CREB5: variants seen among roughly 807,000 people sequenced by gnomAD.
CREB5 encodes the protein cAMP responsive element binding protein 5.
A neutral mutation model predicts 57.1 loss-of-function variants in CREB5; 19 were observed. The ratio of observed to expected loss-of-function variants is 0.33; its 90% confidence interval spans 0.23 to 0.49. The LOEUF is 0.49. Ranked by LOEUF, CREB5 falls within the 20% of genes least tolerant of loss-of-function variation. CREB5 has a pLI of 0.99. For synonymous variants in CREB5, 238 were observed against 238.3 expected (o/e 1.00, Z 0.01); for missense variants, 579 against 671.6 (o/e 0.86, Z 1.52).
rs151246618 is a variant in CREB5 at position 28,721,074 on chromosome 7, A to T, written c.591+2195A>T. On this transcript the variant is annotated intron_variant, in intron 6 of 10. Coordinates refer to ENST00000357727, the MANE Select transcript of CREB5 (RefSeq NM_182898.4). ...AAGAGCTCCCAAACCTGTGACATTG[A>T]TGTACACAGCTGCCATGGCAATAGG... 1.1e-3 allele frequency among the ~76,000 whole-genome samples: 172 copies of T among 152,272 alleles called. 1 individual carries two copies. Among genetic ancestry groups the T allele is most frequent in the African/African-American group, 4.1e-3 (169 of 41,550 alleles).
chr7:28,805,408 A>G (rs1808657226), intron 8 of CREB5, among the ~76,000 whole-genome samples: 1 of 152,232 alleles, frequency 6.6e-6, no homozygotes, highest in African/African-American at 2.4e-5. Flanking sequence ...ACTTTCATCC[A>G]TACCTTCCAC....
At chr7:28,309,481 A>T (rs575648853) in intron 1 of CREB5, among the ~76,000 whole-genome samples, 1 of 152,146 alleles carries the variant, frequency 6.6e-6, no homozygotes, top group Non-Finnish European at 1.5e-5. Flanking sequence ...TTTCCTTTCC[A>T]GGGATAGAGG....
intron 1 of CREB5, among the ~76,000 whole-genome samples, chr7:28,441,819 A>C (rs1789195988): frequency 6.6e-6 from 1 of 152,124 alleles, no homozygotes. Flanking sequence ...GTTTTTAAAA[A>C]CTTTTTTAAA....
intron 7 of CREB5, among the ~76,000 whole-genome samples, chr7:28,753,879 G>T (rs2128765204): frequency 6.6e-6 from 1 of 151,730 alleles, no homozygotes; most frequent in South Asian, 2.1e-4. Flanking sequence ...ATGCAAGAAA[G>T]AATGAGAGAA....
intron 7 of CREB5, among the ~76,000 whole-genome samples, chr7:28,793,644 G>A (rs566384968): frequency 2.0e-5 from 3 of 152,332 alleles, no homozygotes; most frequent in African/African-American, 4.8e-5. Flanking sequence ...CAAGCGAGCC[G>A]AGCACAGCCG....
chr7:28,673,657 CTTTTTTTTTTTTTTTT>C lies in CREB5; in HGVS notation c.465-45082_465-45067del, dbSNP rs549391329. ...GTTGACATGAAGTTTCTCTCTCTCT[CTTTTTTTTTTTTTTTT>C]TTTTTTTTTTTTTGGAGACATTCGA... On this transcript the variant is annotated intron_variant, in intron 5 of 10. Coordinates refer to ENST00000357727, the MANE Select transcript of CREB5 (RefSeq NM_182898.4). Among the ~76,000 whole-genome samples, 11 of 55,764 alleles carry C rather than the reference CTTTTTTTTTTTTTTTT, an allele frequency of 2.0e-4. No homozygotes were observed. The South Asian group carries it at 3.2e-3, about 16-fold the overall frequency. The allele number at this position is 55,764 out of a possible 152,430, so 36.6% of individuals were successfully genotyped here. A position where few individuals can be genotyped will look rare whatever the true frequency, so the allele number is the denominator to read the frequency against.
At chr7:28,460,919 GC>G (rs1790325351) in intron 1 of CREB5, among the ~76,000 whole-genome samples, 1 of 151,988 alleles carries the variant, frequency 6.6e-6, no homozygotes, top group South Asian at 2.1e-4. Flanking sequence ...TTATGGGGGG[GC>G]ATAGTGGCTT....
intron 5 of CREB5, among the ~76,000 whole-genome samples, chr7:28,573,880 A>C (rs1387056094): frequency 6.6e-6 from 1 of 152,246 alleles, no homozygotes; most frequent in African/African-American, 2.4e-5. Context: ...GAAGTAGACA[A>C]ACAACACGTG....
At chr7:28,781,434 G>A (rs761442135) in intron 7 of CREB5, among the ~76,000 whole-genome samples, 4 of 152,172 alleles carry the variant, frequency 2.6e-5, no homozygotes, top group Admixed American at 1.3e-4. Flanking sequence ...CAATGTTTCC[G>A]TTTTCAAAGG....
At chr7:28,522,536 T>C (rs1346395194) in intron 4 of CREB5, among the ~76,000 whole-genome samples, 1 of 151,762 alleles carries the variant, frequency 6.6e-6, no homozygotes, top group African/African-American at 2.4e-5. Flanking sequence ...GCTGGGATTA[T>C]AGGCATGTGC....
At chr7:28,605,382 C>T (rs1324979555) in intron 5 of CREB5, among the ~76,000 whole-genome samples, 2 of 152,218 alleles carry the variant, frequency 1.3e-5, no homozygotes, top group African/African-American at 4.8e-5. Context: ...CCCACCTTCT[C>T]CTCTGATTCC....
At chr7:28,546,123 A>G (rs185534127) in intron 4 of CREB5, among the ~76,000 whole-genome samples, 10 of 152,294 alleles carry the variant, frequency 6.6e-5, no homozygotes, top group Admixed American at 5.9e-4. Context: ...GACATTTCAT[A>G]TAAGTGGGAC....
intron 7 of CREB5, among the ~76,000 whole-genome samples, chr7:28,786,248 CTTTA>C (rs541159951): frequency 6.9e-4 from 105 of 152,144 alleles, no homozygotes; most frequent in African/African-American, 2.4e-3. Context: ...TACCTAGATA[CTTTA>C]TTTATTTATT....
At chr7:28,776,095 T>C (rs1435878842) in intron 7 of CREB5, among the ~76,000 whole-genome samples, 1 of 152,110 alleles carries the variant, frequency 6.6e-6, no homozygotes, top group Non-Finnish European at 1.5e-5. Context: ...CTCAGCGCTT[T>C]GGGAGGCCGA....
In CREB5 at chr7:28,450,484, A is replaced by T. The variant is rs1456340723; in HGVS notation, c.3+37567A>T. On this transcript the variant is annotated intron_variant, in intron 1 of 10. Coordinates refer to ENST00000357727, the MANE Select transcript of CREB5 (RefSeq NM_182898.4). ...TAATTTACCAAGCTTGCAATTTCTC[A>T]TGCTGAAGAAAATATGCAATTAGGA... 3.3e-5 allele frequency among the ~76,000 whole-genome samples: 5 copies of T among 152,234 alleles called. No homozygotes were observed. In the East Asian group the frequency reaches 9.6e-4, roughly 29 times the overall value.
chr7:28,611,842 C>T (rs1583416362), intron 5 of CREB5, among the ~76,000 whole-genome samples: 1 of 151,842 alleles, frequency 6.6e-6, no homozygotes, highest in African/African-American at 2.4e-5. Context: ...TATGCATTTG[C>T]CAAATCTCAT....
chr7:28,445,055 C>T (rs985662719), intron 1 of CREB5, among the ~76,000 whole-genome samples: 1 of 152,160 alleles, frequency 6.6e-6, no homozygotes, highest in Non-Finnish European at 1.5e-5. Flanking sequence ...CCATGCTGTT[C>T]TTGTGATAGT....
rs199610971 is a variant in CREB5, at chr7:28,592,574, T to TGGG, written c.464+22038_464+22040dup. 2.6e-3 allele frequency among the ~76,000 whole-genome samples: 389 copies of TGGG among 152,264 alleles called. 1 individual carries two copies. Among genetic ancestry groups the TGGG allele is most frequent in the African/African-American group, 8.9e-3 (370 of 41,556 alleles). ...TGGCTCTACATCACCCCCACGCAGC[T>TGGG]GGGATGGTTAGCTCAGTGGGCAGAG... On this transcript the variant is annotated intron_variant, in intron 5 of 10. Transcript: ENST00000357727.
chr7:28,524,512 T>C (rs1048078026), intron 4 of CREB5, among the ~76,000 whole-genome samples: 1 of 152,018 alleles, frequency 6.6e-6, no homozygotes, highest in Non-Finnish European at 1.5e-5. Flanking sequence ...AAAGAAAGAA[T>C]GAAAAATTTG....
Sources: allele counts gnomAD v4.1 joint callset (sites outside exome capture counted in the v4.1 genomes callset), GRCh38; gene constraint gnomAD v4.1.1; transcripts MANE v1.5; gene names NCBI Gene and HGNC (gene_info 2026-07-23, HGNC 2026-07-21).